MGLL: variants seen among roughly 807,000 people sequenced by gnomAD.
MGLL encodes the protein lysophospholipase homolog.
Under a neutral mutation model 29.1 loss-of-function variants are expected in MGLL, and 7 were observed. That is an observed-to-expected ratio of 0.24 (90% CI 0.14 to 0.45). The LOEUF (loss-of-function observed/expected upper bound fraction) is 0.45, where lower values mean the gene tolerates loss of function less well. Among genes scored for constraint, MGLL ranks in the 20% least tolerant of loss-of-function variants. The probability of loss-of-function intolerance (pLI) is 0.99; values close to 1 mark genes in which losing one functional copy is unlikely to be tolerated. For synonymous variants in MGLL, 148 were observed against 168.3 expected, an observed-to-expected ratio of 0.88 and a Z score of 0.93; for missense variants, 356 against 413.6, an observed-to-expected ratio of 0.86 and a Z score of 1.21.
intron 3 of MGLL, among the ~76,000 whole-genome samples, chr3:127,767,432 G>A (rs567213896): frequency 3.3e-5 from 5 of 152,152 alleles, no homozygotes; most frequent in South Asian, 2.1e-4. Context: ...TTCATGGCTC[G>A]TGGCAAGGAT....
chr3:127,735,904 A>G (rs768894079), intron 3 of MGLL: 55 of 1,543,350 alleles, frequency 3.6e-5, no homozygotes, highest in Non-Finnish European at 2.6e-6. Flanking sequence ...CTGCAAAGAG[A>G]TGGGGCAGCT....
intron 3 of MGLL, among the ~76,000 whole-genome samples, chr3:127,778,328 A>G (rs554036275): frequency 1.1e-4 from 17 of 152,366 alleles, no homozygotes; most frequent in African/African-American, 3.4e-4. Flanking sequence ...CAGGGCAACC[A>G]CACGGGGACA....
chr3:127,737,640 T>C (rs2076265588), intron 3 of MGLL, among the ~76,000 whole-genome samples: 3 of 116,894 alleles, frequency 2.6e-5, no homozygotes, highest in African/African-American at 4.2e-5. Context: ...CTTTTTTTTT[T>C]TTTTTTTTTT....
chr3:127,756,290 T>G (rs925236340), intron 3 of MGLL, among the ~76,000 whole-genome samples: 1 of 152,176 alleles, frequency 6.6e-6, no homozygotes, highest in African/African-American at 2.4e-5. Context: ...GGAAATTACC[T>G]GTTCTAGGGC....
rs1317373594 is a variant in MGLL, at chr3:127,689,453, C to T, written c.*2745G>A. 6.6e-6 allele frequency: 1 copy of T among 152,304 alleles called. No individual in the cohort carries two copies. Among genetic ancestry groups the T allele is most frequent in the Non-Finnish European group, 1.5e-5 (1 of 68,100 alleles). 9.4% of individuals were successfully genotyped at this position (152,304 alleles called of 1,614,324 possible). A position where few individuals can be genotyped will look rare whatever the true frequency, so the allele number is the denominator to read the frequency against. On this transcript the variant is annotated 3_prime_UTR_variant, in exon 8 of 8. Coordinates refer to ENST00000265052, the MANE Select transcript of MGLL (RefSeq NM_007283.7). ...GGAACTGAGGCCTGTAGGGTTGCGG[C>T]TGTCACTGGCTACAGGCGGCATCTT...
At chr3:127,700,381 C>T (rs1322646858) in intron 6 of MGLL, among the ~76,000 whole-genome samples, 1 of 152,192 alleles carries the variant, frequency 6.6e-6, no homozygotes, top group African/African-American at 2.4e-5. Flanking sequence ...TTGCTCTTAG[C>T]TTAATTAACA....
At chr3:127,727,195 C>T (rs1230823570) in intron 3 of MGLL, among the ~76,000 whole-genome samples, 3 of 152,194 alleles carry the variant, frequency 2.0e-5, no homozygotes, top group Non-Finnish European at 2.9e-5. Flanking sequence ...TTATAATTTC[C>T]TTGTCCCAGA....
intron 3 of MGLL, among the ~76,000 whole-genome samples, chr3:127,780,425 A>C (rs1006735664): frequency 3.3e-5 from 5 of 152,276 alleles, no homozygotes; most frequent in Non-Finnish European, 4.4e-5. Flanking sequence ...TTTACATGTA[A>C]GAAGTGCCAA....
intron 3 of MGLL, among the ~76,000 whole-genome samples, chr3:127,752,050 T>G (rs1328243779): frequency 1.3e-5 from 2 of 152,050 alleles, no homozygotes; most frequent in Admixed American, 6.5e-5. Flanking sequence ...CACTTTGATG[T>G]GTATTCTAGA....
At chr3:127,813,908 G>A (rs972808884) in intron 2 of MGLL, among the ~76,000 whole-genome samples, 6 of 152,126 alleles carry the variant, frequency 3.9e-5, no homozygotes, top group African/African-American at 1.4e-4. Context: ...TTACTGCTCA[G>A]TCTGTTGTTT....
intron 5 of MGLL, among the ~76,000 whole-genome samples, chr3:127,717,664 T>C (rs1027047286): frequency 6.6e-5 from 10 of 152,176 alleles, no homozygotes; most frequent in Non-Finnish European, 1.3e-4. Context: ...TCATTTAGAA[T>C]GATTACTCTC....
At chr3:127,737,630 C>CTTTTTTTTTTTTTTTTTTTTTTTTTTTTT (rs774965066) in intron 3 of MGLL, among the ~76,000 whole-genome samples, 1 of 68,610 alleles carries the variant, frequency 1.5e-5, no homozygotes, top group African/African-American at 7.4e-5. Flanking sequence ...TCAACTGCTT[C>CTTTTTTTTTTTTTTTTTTTTTTTTTTTTT]TTTTTTTTTT....
intron 3 of MGLL, among the ~76,000 whole-genome samples, chr3:127,781,276 G>A (rs1484485785): frequency 6.6e-6 from 1 of 152,190 alleles, no homozygotes; most frequent in East Asian, 1.9e-4. Flanking sequence ...GCAAATGTGT[G>A]TATGACTATA....
chr3:127,739,867 G>T (rs886818599), intron 3 of MGLL, among the ~76,000 whole-genome samples: 1 of 152,190 alleles, frequency 6.6e-6, no homozygotes, highest in Non-Finnish European at 1.5e-5. Flanking sequence ...AGCCCCCAGT[G>T]CACCTTTGCT....
chr3:127,709,168 A>G (rs1195534249), intron 6 of MGLL, among the ~76,000 whole-genome samples: 1 of 152,110 alleles, frequency 6.6e-6, no homozygotes, highest in Non-Finnish European at 1.5e-5. Flanking sequence ...TGCTTTTTGG[A>G]ATTAAAGTTT....
intron 2 of MGLL, 91 bp downstream of exon 2, chr3:127,821,603 C>T: frequency 3.3e-6 from 5 of 1,494,680 alleles, no homozygotes; most frequent in Admixed American, 1.7e-5. Flanking sequence ...GAGAAAGCGG[C>T]CCCGCCCCAG....
At chr3:127,710,741 A>G (rs2075695325) in intron 5 of MGLL, 76 bp from the exon 6 acceptor site, 2 of 1,288,954 alleles carry the variant, frequency 1.6e-6, no homozygotes, top group African/African-American at 1.5e-5. Flanking sequence ...GACAGTTTAC[A>G]GTACATTAAG....
intron 3 of MGLL, among the ~76,000 whole-genome samples, chr3:127,753,165 T>G (rs1447556233): frequency 6.6e-6 from 1 of 152,106 alleles, no homozygotes; most frequent in Non-Finnish European, 1.5e-5. Flanking sequence ...AGAAGAGAAG[T>G]AACGACACAG....
intron 3 of MGLL, among the ~76,000 whole-genome samples, chr3:127,766,018 C>T (rs1008319624): frequency 6.6e-6 from 1 of 152,178 alleles, no homozygotes; most frequent in Non-Finnish European, 1.5e-5. Flanking sequence ...CAGGTAGATA[C>T]TATGACTTAG....
Sources: allele counts gnomAD v4.1 joint callset (sites outside exome capture counted in the v4.1 genomes callset), GRCh38; gene constraint gnomAD v4.1.1; transcripts MANE v1.5; gene names NCBI Gene and HGNC (gene_info 2026-07-23, HGNC 2026-07-21).